The following CDKAL1 variants were observed in gnomAD, a reference collection of about 807,000 sequenced individuals.
CDKAL1 encodes the protein threonylcarbamoyladenosine tRNA methylthiotransferase.
CDKAL1 carries 32 observed loss-of-function variants against 68.2 expected under a neutral mutation model. The ratio of observed to expected loss-of-function variants is 0.47; its 90% CI spans 0.35 to 0.63. The LOEUF is 0.63. CDKAL1 is among the 30% of genes least tolerant of loss of function. The pLI, the probability that CDKAL1 is intolerant of heterozygous loss-of-function variation, is 0.00. For missense variants in CDKAL1, 606 were observed against 696.7 expected, an observed-to-expected ratio of 0.87 and a Z score of 1.47; for synonymous variants, 234 against 244.3, an observed-to-expected ratio of 0.96 and a Z score of 0.39.
At position 20,925,810 on chromosome 6, in the gene CDKAL1, G is replaced by A. The variant is rs1018246962; in HGVS notation, c.743-29609G>A. 2.0e-5 allele frequency among the ~76,000 whole-genome samples: 3 copies of A among 152,084 alleles called. No individual in the cohort carries two copies. In the South Asian group the frequency reaches 6.2e-4, roughly 32 times the overall value. ...TCAAGCCAAAGATATTAGTTACAGA[G>A]TACTGTGACATTTTCAACACTATTA... On this transcript the variant is annotated intron_variant, in intron 9 of 15. Transcript: ENST00000274695.
intron 5 of CDKAL1, among the ~76,000 whole-genome samples, chr6:20,706,605 C>T (rs1204094266): frequency 6.6e-6 from 1 of 152,156 alleles, no homozygotes; most frequent in African/African-American, 2.4e-5. Context: ...AGATGGAATA[C>T]CATCAAATAT....
intron 8 of CDKAL1, among the ~76,000 whole-genome samples, chr6:20,803,010 A>G (rs1440560347): frequency 6.6e-6 from 1 of 152,234 alleles, no homozygotes; most frequent in African/African-American, 2.4e-5. Context: ...TTGACCTACA[A>G]GGAACTGACA....
chr6:20,968,666 G>A (rs1009302714), intron 10 of CDKAL1, among the ~76,000 whole-genome samples: 10 of 151,724 alleles, frequency 6.6e-5, no homozygotes, highest in Non-Finnish European at 1.2e-4. Flanking sequence ...TGTTTCTTCT[G>A]CTTGTTCAGA....
intron 5 of CDKAL1, among the ~76,000 whole-genome samples, chr6:20,732,832 T>C (rs527382965): frequency 6.6e-6 from 1 of 152,342 alleles, no homozygotes; most frequent in East Asian, 1.9e-4. Flanking sequence ...TTTCAAACTT[T>C]TTGTATGTGT....
At chr6:21,119,490 A>G (rs1209385218) in intron 13 of CDKAL1, among the ~76,000 whole-genome samples, 1 of 152,220 alleles carries the variant, frequency 6.6e-6, no homozygotes, top group Non-Finnish European at 1.5e-5. Flanking sequence ...AGTTCTTGAC[A>G]TGTGGGAGGT....
intron 8 of CDKAL1, among the ~76,000 whole-genome samples, chr6:20,823,338 T>G (rs1341714194): frequency 1.3e-5 from 2 of 152,182 alleles, no homozygotes; most frequent in Admixed American, 6.5e-5. Context: ...CCCTATTAGA[T>G]TCTAACGGAT....
At chr6:20,851,657 A>G (rs1759021189) in intron 9 of CDKAL1, among the ~76,000 whole-genome samples, 1 of 152,100 alleles carries the variant, frequency 6.6e-6, no homozygotes, top group South Asian at 2.1e-4. Context: ...AAATATTCAG[A>G]ACAGGGAGAA....
intron 5 of CDKAL1, among the ~76,000 whole-genome samples, chr6:20,702,466 G>A (rs1004866674): frequency 1.3e-5 from 2 of 152,188 alleles, no homozygotes; most frequent in African/African-American, 4.8e-5. Context: ...GGGAATGAGT[G>A]CAAGGTTTAA....
At chr6:20,943,345 GAAAAAGAAA>G (rs1411557562) in intron 9 of CDKAL1, among the ~76,000 whole-genome samples, 12,711 of 137,862 alleles carry the variant, frequency 0.092, 1,015 homozygotes, top group African/African-American at 0.22. Flanking sequence ...AAAAAAAAAA[GAAAAAGAAA>G]AAAAGAAAAA....
At chr6:20,930,667 C>A (rs1402406273) in intron 9 of CDKAL1, among the ~76,000 whole-genome samples, 1 of 151,920 alleles carries the variant, frequency 6.6e-6, no homozygotes, top group African/African-American at 2.4e-5. Context: ...TACCAAGTGC[C>A]AGGAAGAGTG....
chr6:21,015,413 A>C (rs1333162713), intron 11 of CDKAL1, among the ~76,000 whole-genome samples: 1 of 152,216 alleles, frequency 6.6e-6, no homozygotes, highest in Non-Finnish European at 1.5e-5. Flanking sequence ...TATAGAAAAT[A>C]CTATTATAAT....
chr6:20,866,756 A>G (rs569934318), intron 9 of CDKAL1, among the ~76,000 whole-genome samples: 1 of 152,322 alleles, frequency 6.6e-6, no homozygotes, highest in South Asian at 2.1e-4. Flanking sequence ...TGACTGTGAC[A>G]GTAACACCAT....
rs549399131 is a variant in CDKAL1, at chr6:20,829,680, A to G, written c.639-16395A>G. ...TTGACAAAAGAAAAAGTAGCATCAA[A>G]TGTTTTATTTTAGGTCCTTCTGTAC... On this transcript the variant is annotated intron_variant, in intron 8 of 15. Coordinates refer to ENST00000274695, the MANE Select transcript of CDKAL1 (RefSeq NM_017774.3). Among the ~76,000 whole-genome samples the G allele has an allele frequency of 2.6e-5, 4 of 152,292 alleles. No homozygotes were observed. The East Asian group carries it at 7.7e-4, about 29-fold the overall frequency.
chr6:21,212,322 T>G (rs911020569), intron 15 of CDKAL1, among the ~76,000 whole-genome samples: 1 of 152,174 alleles, frequency 6.6e-6, no homozygotes, highest in Non-Finnish European at 1.5e-5. Flanking sequence ...CATTAATATA[T>G]TCTTCAATGG....
intron 4 of CDKAL1, among the ~76,000 whole-genome samples, chr6:20,645,498 G>A (rs1768400208): frequency 1.3e-5 from 2 of 152,010 alleles, no homozygotes; most frequent in East Asian, 1.9e-4. Context: ...TTGGGAGGCC[G>A]AGGCAGGTAG....
At chr6:20,617,089 G>C (rs1372974870) in intron 4 of CDKAL1, among the ~76,000 whole-genome samples, 1 of 151,162 alleles carries the variant, frequency 6.6e-6, no homozygotes, top group Admixed American at 6.6e-5. Flanking sequence ...GAAAAACCAC[G>C]GGGGGCTTAA....
chr6:21,081,632 C>T (rs1443098297), intron 12 of CDKAL1, among the ~76,000 whole-genome samples: 3 of 146,612 alleles, frequency 2.0e-5, no homozygotes, highest in East Asian at 2.0e-4. Flanking sequence ...AGTGCAGTGG[C>T]GCGATCTCAT....
chr6:20,941,273 C>A (rs1455216124), intron 9 of CDKAL1, among the ~76,000 whole-genome samples: 1 of 152,104 alleles, frequency 6.6e-6, no homozygotes, highest in Non-Finnish European at 1.5e-5. Context: ...GCTACTAAAG[C>A]TGGCTTTTGA....
chr6:21,187,495 T>G (rs1342976481), intron 13 of CDKAL1, among the ~76,000 whole-genome samples: 1 of 152,228 alleles, frequency 6.6e-6, no homozygotes, highest in Non-Finnish European at 1.5e-5. Flanking sequence ...TCTTATGCCA[T>G]AAAGATAATT....
Sources: allele counts gnomAD v4.1 joint callset (sites outside exome capture counted in the v4.1 genomes callset), GRCh38; gene constraint gnomAD v4.1.1; transcripts MANE v1.5; gene names NCBI Gene and HGNC (gene_info 2026-07-23, HGNC 2026-07-21).